The following SVIL variants were observed in gnomAD, a reference collection of about 807,000 sequenced individuals.
SVIL encodes the protein supervillin.
SVIL carries 101 observed loss-of-function variants against 240.4 expected under a neutral mutation model. The ratio of observed to expected loss-of-function variants is 0.42; its 90% CI spans 0.36 to 0.50. The LOEUF (loss-of-function observed/expected upper bound fraction) is 0.50. SVIL is among the 20% of genes least tolerant of loss of function. The pLI, the probability that SVIL is intolerant of heterozygous loss-of-function variation, is 0.01. For synonymous variants in SVIL, 999 were observed against 1,100.0 expected, an observed-to-expected ratio of 0.91 and a Z score of 1.82; for missense variants, 2,512 against 2,818.7, an observed-to-expected ratio of 0.89 and a Z score of 2.46.
At chr10:29,606,193 G>A (rs916800349) in intron 1 of SVIL, among the ~76,000 whole-genome samples, 5 of 152,004 alleles carry the variant, frequency 3.3e-5, no homozygotes, top group Non-Finnish European at 5.9e-5. Flanking sequence ...ACAGGCGTGC[G>A]CCACAGCTCC....
In SVIL at chr10:29,493,345, C is replaced by T. The variant is rs1948140545; in HGVS notation, c.3888G>A (p.Val1296=). 3 of 1,614,078 alleles carry T rather than the reference C, an allele frequency of 1.9e-6. No homozygotes were observed. The highest frequency in any genetic ancestry group is 3.3e-5 in the Admixed American group (2 of 60,006). Residue 1296 remains valine (V), a synonymous_variant, in exon 21 of 38, where the codon GTG becomes GTA. Transcript: ENST00000355867. ...ETVLTVTGKS[V]KEVMKPDDDE... The stretch of plus-strand genomic sequence containing the variant: ...CATCATCTGGCTTCATCACCTCCTT[C>T]ACAGATTTGCCGGTGACAGTGAGCA...
Position 29,467,839 on chromosome 10 carries a change from T to C in SVIL, c.5880A>G (p.Lys1960=). 2 of 1,614,188 alleles carry C rather than the reference T, an allele frequency of 1.2e-6. No homozygotes were observed. The highest frequency in any genetic ancestry group is 1.7e-6 in the Non-Finnish European group (2 of 1,180,020). ...PLEAGLHSSS[K]VTIHECDEGS... is the part of the protein sequence containing the mutation. ...CTTCATCACACTCGTGTATTGTGAC[T>C]TTGCTGCTACTATGCAGTCCTGCTT... is the stretch of plus-strand genomic sequence containing the variant. Residue 1960 remains lysine, a synonymous_variant, in exon 33 of 38, where the codon AAA becomes AAG. Coordinates refer to ENST00000355867, the MANE Select transcript of SVIL (RefSeq NM_021738.3).
chr10:29,614,258 G>C lies in SVIL; in HGVS notation c.-201+20162C>G, dbSNP rs528003915. Among the ~76,000 whole-genome samples the C allele has an allele frequency of 4.6e-5, 7 of 152,084 alleles. No individual in the cohort carries two copies. The South Asian group carries it at 1.5e-3, about 32-fold the overall frequency. On this transcript the variant is annotated intron_variant, in intron 1 of 37. Coordinates refer to ENST00000355867, the MANE Select transcript of SVIL (RefSeq NM_021738.3). ...CATTTTAGTTAAAAAAAATATAATT[G>C]CAGCATGATCTAGGACCAGAAATAC...
chr10:29,565,559 C>T (rs35021324), intron 2 of SVIL, among the ~76,000 whole-genome samples: 8,595 of 152,206 alleles, frequency 0.056, 336 homozygotes, highest in Admixed American at 0.12. Flanking sequence ...GTTGACTGGT[C>T]ATGTCCTCAG....
intron 28 of SVIL, among the ~76,000 whole-genome samples, chr10:29,481,164 G>GTGTGTGTGTT (rs1554815367): frequency 1.4e-5 from 2 of 141,014 alleles, no homozygotes; most frequent in East Asian, 1.9e-4. Flanking sequence ...GTGTGTGTGT[G>GTGTGTGTGTT]TGTTTGTTTG....
intron 3 of SVIL, among the ~76,000 whole-genome samples, chr10:29,648,555 A>G (rs1303708189): frequency 1.3e-5 from 2 of 152,180 alleles, no homozygotes; most frequent in African/African-American, 4.8e-5. Context: ...TGAGCAGCCA[A>G]TGCAGGCTTC....
rs538622417 is a variant in SVIL at position 29,700,392 on chromosome 10, G to C, written c.-399-13741C>G. 1.3e-4 allele frequency among the ~76,000 whole-genome samples: 19 copies of C among 151,016 alleles called. No homozygotes were observed. In the East Asian group the frequency reaches 3.1e-3, roughly 25 times the overall value. ...CACTACAGCCTGAAAATGTCACACAGGAAAAATTTTGGGCACACTGCTCAG... is the reference window on the plus strand; with the variant it reads ...CACTACAGCCTGAAAATGTCACACACGAAAAATTTTGGGCACACTGCTCAG... On this transcript the variant is annotated intron_variant, in intron 1 of 35. Transcript: ENST00000375400.
chr10:29,524,200 C>G (rs1186285075), intron 14 of SVIL, among the ~76,000 whole-genome samples, 173 bp from the exon 15 acceptor site: 1 of 152,142 alleles, frequency 6.6e-6, no homozygotes, highest in African/African-American at 2.4e-5. Flanking sequence ...TAAACAAAAT[C>G]CTCTGGGTGA....
At chr10:29,483,733 T>C (rs758665179) in intron 27 of SVIL, 1 of 152,252 alleles carries the variant, frequency 6.6e-6, no homozygotes, top group African/African-American at 2.4e-5. Flanking sequence ...TAAACATTAG[T>C]GCATTTGCTT....
intron 1 of SVIL, among the ~76,000 whole-genome samples, chr10:29,600,914 C>A (rs1025503831): frequency 1.3e-5 from 2 of 152,186 alleles, no homozygotes; most frequent in Admixed American, 1.3e-4. Context: ...CGGGTTCTTT[C>A]TCACACTCAG....
intron 27 of SVIL, among the ~76,000 whole-genome samples, chr10:29,482,089 C>T (rs1946946191): frequency 6.8e-6 from 1 of 146,850 alleles, no homozygotes; most frequent in Non-Finnish European, 1.5e-5. Flanking sequence ...AGTGCAGTTG[C>T]ACAATCATAG....
chr10:29,531,348 A>G, intron 9 of SVIL, 60 bp from the exon 10 acceptor site: 1 of 1,418,538 alleles, frequency 7.0e-7, no homozygotes, highest in South Asian at 1.2e-5. Flanking sequence ...GAAGATCGAA[A>G]TAAAACATCA....
At position 29,533,428 on chromosome 10, in the gene SVIL, C is replaced by T. The variant is rs1207785954; in HGVS notation, c.939G>A (p.Glu313=). ...GTTCAGGGCTGTTTCGAGCACTTTC[C>T]TCTTTCACCAATTTTTCTCTAACTT... The part of the protein sequence containing the change: ...RVKVREKLVK[E]ESARNSPELA... The change falls in exon 8 of 38, where the codon GAG becomes GAA. Residue 313 remains glutamate, a synonymous_variant. Coordinates refer to ENST00000355867, the MANE Select transcript of SVIL (RefSeq NM_021738.3). The T allele has an allele frequency of 1.2e-6, 2 of 1,613,154 alleles. No homozygotes were observed. Among genetic ancestry groups the T allele is most frequent in the Non-Finnish European group, 1.7e-6 (2 of 1,179,450 alleles).
chr10:29,612,224 T>G (rs1397241033), intron 1 of SVIL, among the ~76,000 whole-genome samples: 1 of 152,088 alleles, frequency 6.6e-6, no homozygotes, highest in African/African-American at 2.4e-5. Flanking sequence ...AGGAGGAGCA[T>G]GGACAGTCGG....
chr10:29,681,262 C>T (rs1334167128), intron 2 of SVIL, among the ~76,000 whole-genome samples: 1 of 151,890 alleles, frequency 6.6e-6, no homozygotes, highest in East Asian at 1.9e-4. Flanking sequence ...AGGGCACGTG[C>T]AGGCAAGGAA....
intron 1 of SVIL, among the ~76,000 whole-genome samples, chr10:29,702,158 G>C (rs908793224): frequency 2.4e-5 from 3 of 125,458 alleles, no homozygotes; most frequent in East Asian, 2.3e-4. Context: ...CTGGGTAATA[G>C]AGCGAGACTC....
chr10:29,611,433 T>C (rs950348041), intron 1 of SVIL, among the ~76,000 whole-genome samples: 8 of 151,614 alleles, frequency 5.3e-5, no homozygotes, highest in African/African-American at 1.9e-4. Flanking sequence ...TGGTTACTCA[T>C]CCCCAACTAC....
chr10:29,680,745 C>A (rs1392799296), intron 2 of SVIL, among the ~76,000 whole-genome samples: 1 of 152,062 alleles, frequency 6.6e-6, no homozygotes, highest in African/African-American at 2.4e-5. Flanking sequence ...ATAGTAAAAC[C>A]CTGTCTCTAC....
At chr10:29,528,302 A>G (rs762373191) in intron 12 of SVIL, among the ~76,000 whole-genome samples, 12 of 152,188 alleles carry the variant, frequency 7.9e-5, no homozygotes, top group Non-Finnish European at 1.5e-4. Context: ...TAGGCAGCTG[A>G]TCTAACAGCA....
Sources: allele counts gnomAD v4.1 joint callset (sites outside exome capture counted in the v4.1 genomes callset), GRCh38; gene constraint gnomAD v4.1.1; transcripts MANE v1.5; gene names NCBI Gene and HGNC (gene_info 2026-07-23, HGNC 2026-07-21).